The following ATG10 variants were observed in gnomAD, a reference collection of about 807,000 sequenced individuals.
ATG10 encodes the protein autophagy related 10.
A neutral mutation model predicts 32.1 loss-of-function variants in ATG10; 30 were observed. The ratio of observed to expected loss-of-function variants is 0.94; its 90% CI spans 0.70 to 1.27. ATG10 has a LOEUF of 1.27. Ranked by LOEUF, ATG10 falls within the 50% of genes most tolerant of loss-of-function variation. ATG10 has a pLI of 0.00. For synonymous variants in ATG10, 87 were observed against 91.5 expected (o/e 0.95, Z 0.28); for missense variants, 233 against 262.3 (o/e 0.89, Z 0.77).
intron 2 of ATG10, among the ~76,000 whole-genome samples, chr5:82,029,313 A>T (rs1050097350): frequency 8.5e-6 from 1 of 117,718 alleles, no homozygotes; most frequent in African/African-American, 2.7e-5. Flanking sequence ...TGTAATAATT[A>T]TACAATATAA....
chr5:81,977,693 C>G (rs1379656106), intron 1 of ATG10, among the ~76,000 whole-genome samples: 2 of 152,174 alleles, frequency 1.3e-5, no homozygotes, highest in African/African-American at 4.8e-5. Context: ...GGCCCTTACT[C>G]AAATTTCAAA....
At position 82,152,917 on chromosome 5, in the gene ATG10, C is replaced by G. The variant is rs1767661042; in HGVS notation, c.217-11482C>G. 3.3e-5 allele frequency among the ~76,000 whole-genome samples: 5 copies of G among 152,252 alleles called. No homozygotes were observed. The South Asian group carries it at 1.0e-3, about 32-fold the overall frequency. ...CAACAGACAATTTATACTCATTCCA[C>G]TTATTTATTTCACTTAACAAATATT... On this transcript the variant is annotated intron_variant, in intron 3 of 7. Transcript: ENST00000282185.
intron 3 of ATG10, among the ~76,000 whole-genome samples, chr5:82,088,794 C>T (rs1764776590): frequency 6.6e-6 from 1 of 152,054 alleles, no homozygotes; most frequent in Admixed American, 6.6e-5. Flanking sequence ...CTGTTGAGTA[C>T]CCTAAGGGAA....
At chr5:82,248,830 T>C (rs1747134231) in intron 5 of ATG10, among the ~76,000 whole-genome samples, 1 of 151,944 alleles carries the variant, frequency 6.6e-6, no homozygotes, top group Non-Finnish European at 1.5e-5. Context: ...ATAATTTTTA[T>C]TTTAAAATCC....
chr5:82,157,459 A>C (rs1370326982), intron 3 of ATG10, among the ~76,000 whole-genome samples: 1 of 140,116 alleles, frequency 7.1e-6, no homozygotes, highest in Non-Finnish European at 1.5e-5. Context: ...TGTGACAGTC[A>C]CTTACTCAGA....
intron 3 of ATG10, among the ~76,000 whole-genome samples, chr5:82,158,218 A>G (rs777771051): frequency 1.3e-5 from 2 of 152,212 alleles, no homozygotes; most frequent in Non-Finnish European, 2.9e-5. Flanking sequence ...GAACCATTTA[A>G]TCTTTTAGCT....
chr5:82,054,135 A>G (rs1561275488), intron 2 of ATG10, among the ~76,000 whole-genome samples: 2 of 152,122 alleles, frequency 1.3e-5, no homozygotes, highest in Non-Finnish European at 2.9e-5. Context: ...GCTGTGCTGG[A>G]ATCTGCTAGG....
At chr5:82,133,765 T>C (rs534681014) in intron 3 of ATG10, among the ~76,000 whole-genome samples, 1 of 152,114 alleles carries the variant, frequency 6.6e-6, no homozygotes, top group Non-Finnish European at 1.5e-5. Context: ...GTGAAGAAAG[T>C]CACTGGTAGC....
At chr5:82,011,843 C>G (rs1205646368) in intron 2 of ATG10, among the ~76,000 whole-genome samples, 2 of 152,196 alleles carry the variant, frequency 1.3e-5, no homozygotes, top group Non-Finnish European at 2.9e-5. Context: ...GCTTCCCCTA[C>G]ACATGTGAGT....
chr5:82,135,946 T>A (rs1029865197), intron 3 of ATG10, among the ~76,000 whole-genome samples: 2 of 152,216 alleles, frequency 1.3e-5, no homozygotes, highest in African/African-American at 4.8e-5. Context: ...GCTCTTCTTG[T>A]TGCATTGATT....
intron 5 of ATG10, among the ~76,000 whole-genome samples, chr5:82,187,405 G>T (rs1476050324): frequency 6.6e-6 from 1 of 151,076 alleles, no homozygotes; most frequent in Non-Finnish European, 1.5e-5. Context: ...CAGCTACTTG[G>T]GAGGGTGAGG....
intron 2 of ATG10, among the ~76,000 whole-genome samples, chr5:82,034,790 A>G (rs2149719849): frequency 6.6e-6 from 1 of 152,026 alleles, no homozygotes; most frequent in Middle Eastern, 3.4e-3. Context: ...TACTTTCTTC[A>G]TATCTGTGCT....
chr5:82,023,509 T>G (rs562462594), intron 2 of ATG10, among the ~76,000 whole-genome samples: 2 of 152,040 alleles, frequency 1.3e-5, no homozygotes, highest in African/African-American at 4.8e-5. Context: ...TTAAATAAAC[T>G]GTGTCAGAAA....
intron 2 of ATG10, among the ~76,000 whole-genome samples, chr5:82,014,275 C>T (rs1418383309): frequency 2.0e-5 from 3 of 151,930 alleles, no homozygotes; most frequent in Non-Finnish European, 2.9e-5. Flanking sequence ...GGAATAAGTG[C>T]GATGTGGTGC....
chr5:82,203,920 A>C (rs972645612), intron 5 of ATG10, among the ~76,000 whole-genome samples: 8 of 152,194 alleles, frequency 5.3e-5, no homozygotes, highest in Non-Finnish European at 1.0e-4. Context: ...TTAATTTAAT[A>C]ATATTCATTG....
chr5:82,198,507 G>C (rs1413081525), intron 5 of ATG10, among the ~76,000 whole-genome samples: 4 of 152,130 alleles, frequency 2.6e-5, no homozygotes, highest in African/African-American at 9.7e-5. Flanking sequence ...TGATCTGCCT[G>C]TCCCAGCCTC....
intron 1 of ATG10, among the ~76,000 whole-genome samples, chr5:81,983,349 G>GA (rs1761125333): frequency 6.8e-6 from 1 of 147,306 alleles, no homozygotes. Context: ...TCACTTCCCA[G>GA]TAGGGGCGGC....
At chr5:82,222,033 A>G (rs895560212) in intron 5 of ATG10, among the ~76,000 whole-genome samples, 5 of 152,336 alleles carry the variant, frequency 3.3e-5, no homozygotes, top group Non-Finnish European at 7.3e-5. Context: ...ATTTCTTCCT[A>G]AGTTAAAGAA....
chr5:82,215,889 C>T (rs530360892), intron 5 of ATG10, among the ~76,000 whole-genome samples: 15 of 151,304 alleles, frequency 9.9e-5, no homozygotes, highest in African/African-American at 3.4e-4. Context: ...GAGCTGAGAT[C>T]GCCCCACTGC....
Sources: allele counts gnomAD v4.1 joint callset (sites outside exome capture counted in the v4.1 genomes callset), GRCh38; gene constraint gnomAD v4.1.1; transcripts MANE v1.5; gene names NCBI Gene and HGNC (gene_info 2026-07-23, HGNC 2026-07-21).